Variants in TNFSF4 observed in about 807,000 individuals in gnomAD.
The protein encoded by TNFSF4 is tumor necrosis factor ligand superfamily member 4.
TNFSF4 carries 4 observed loss-of-function variants against 7.3 expected under a neutral mutation model. That is an observed-to-expected ratio of 0.55 (90% CI 0.27 to 1.25). The LOEUF (loss-of-function observed/expected upper bound fraction) is 1.25. Ranked by LOEUF, TNFSF4 falls within the 50% of genes most tolerant of loss-of-function variation. TNFSF4 has a pLI of 0.12. For missense variants in TNFSF4, 181 were observed against 208.8 expected (o/e 0.87, Z 0.82); for synonymous variants, 76 against 83.7 (o/e 0.91, Z 0.50).
the TNFSF4 span, among the ~76,000 whole-genome samples, chr1:173,431,081 T>C: frequency 6.6e-6 from 1 of 152,254 alleles, no homozygotes; most frequent in Admixed American, 6.5e-5. Context: ...GTTTTCCTCA[T>C]TGCCATCCTT....
chr1:173,274,565 T>A, the TNFSF4 span, among the ~76,000 whole-genome samples: 2 of 152,100 alleles, frequency 1.3e-5, no homozygotes, highest in African/African-American at 2.4e-5. Flanking sequence ...AAACTGTGGA[T>A]GTGATAGATT....
At chr1:173,352,611 A>C in the TNFSF4 span, among the ~76,000 whole-genome samples, 3 of 152,218 alleles carry the variant, frequency 2.0e-5, no homozygotes, top group African/African-American at 7.2e-5. Context: ...ATAAAAGATC[A>C]CAAGGCAGAA....
the TNFSF4 span, among the ~76,000 whole-genome samples, chr1:173,321,298 C>T: frequency 6.6e-6 from 1 of 152,138 alleles, no homozygotes; most frequent in Admixed American, 6.6e-5. Context: ...AAACTAGACC[C>T]CTTCTTTATA....
In TNFSF4 at chr1:173,186,743, A is replaced by G; in HGVS notation, c.325T>C (p.Phe109Leu). 1 of 1,614,190 alleles carries G rather than the reference A, an allele frequency of 6.2e-7. No individual in the cohort carries two copies. The highest frequency in any genetic ancestry group is 8.5e-7 in the Non-Finnish European group (1 of 1,180,020). The part of the protein sequence containing the change: ...GFYLISLKGY[F>L]SQEVNISLHY... ...AGGCTAATGTTGACTTCCTGGGAGAAGTAGCCCTTCAGGGAGATGAGATAA... is the reference window on the plus strand; with the variant it reads ...AGGCTAATGTTGACTTCCTGGGAGAGGTAGCCCTTCAGGGAGATGAGATAA... Residue 109 changes from phenylalanine (F) to leucine (L), a missense_variant, in exon 3 of 3, where the codon TTC becomes CTC. Phe to Leu is a conservative substitution (Grantham distance 22). Coordinates refer to ENST00000281834, the MANE Select transcript of TNFSF4 (RefSeq NM_003326.5).
At chr1:173,213,322 T>C in the TNFSF4 span, among the ~76,000 whole-genome samples, 2 of 152,158 alleles carry the variant, frequency 1.3e-5, no homozygotes, top group Admixed American at 1.3e-4. Flanking sequence ...TCTTGACCAC[T>C]GGCAGTTATT....
At chr1:173,227,451 G>C in the TNFSF4 span, among the ~76,000 whole-genome samples, 3 of 152,118 alleles carry the variant, frequency 2.0e-5, no homozygotes, top group African/African-American at 7.2e-5. Flanking sequence ...GCGGTTCCAA[G>C]TTGGCCAAAT....
the TNFSF4 span, among the ~76,000 whole-genome samples, chr1:173,342,260 G>A: frequency 7.5e-4 from 114 of 152,176 alleles, 2 homozygotes; most frequent in East Asian, 0.021. Context: ...ATCTGCCTCT[G>A]GAAGGCCCAG....
At chr1:173,427,951 ATCT>A in the TNFSF4 span, among the ~76,000 whole-genome samples, 1 of 104,284 alleles carries the variant, frequency 9.6e-6, no homozygotes, top group Non-Finnish European at 1.9e-5. Context: ...CTCCATTATA[ATCT>A]TTTTTTTTTT....
chr1:173,382,367 C>CTT, the TNFSF4 span, among the ~76,000 whole-genome samples: 1 of 152,274 alleles, frequency 6.6e-6, no homozygotes, highest in South Asian at 2.1e-4. Flanking sequence ...TTTAGGAACT[C>CTT]TAACACTCAC....
At chr1:173,276,960 C>T in the TNFSF4 span, among the ~76,000 whole-genome samples, 1 of 152,104 alleles carries the variant, frequency 6.6e-6, no homozygotes, top group South Asian at 2.1e-4. Flanking sequence ...TCCCTTCATA[C>T]AAGTACACAA....
chr1:173,311,290 T>C, the TNFSF4 span, among the ~76,000 whole-genome samples: 5 of 152,150 alleles, frequency 3.3e-5, no homozygotes, highest in East Asian at 9.7e-4. Context: ...CCATTTGAAT[T>C]GGCAAAGTTT....
chr1:173,322,972 C>T, the TNFSF4 span, among the ~76,000 whole-genome samples: 1 of 152,198 alleles, frequency 6.6e-6, no homozygotes, highest in African/African-American at 2.4e-5. Context: ...AGTGCACAGC[C>T]AAACAACAGG....
chr1:173,369,887 C>T, the TNFSF4 span, among the ~76,000 whole-genome samples: 1 of 152,028 alleles, frequency 6.6e-6, no homozygotes, highest in Non-Finnish European at 1.5e-5. Context: ...TTGCAATTTA[C>T]ATCCCACAGG....
At chr1:173,255,576 CAG>C in the TNFSF4 span, among the ~76,000 whole-genome samples, 1 of 152,094 alleles carries the variant, frequency 6.6e-6, no homozygotes, top group Admixed American at 6.5e-5. Flanking sequence ...TCTTAGCAAA[CAG>C]AGTGGAAAAG....
chr1:173,190,693 C>T (rs1571187841), intron 1 of TNFSF4, among the ~76,000 whole-genome samples: 1 of 152,198 alleles, frequency 6.6e-6, no homozygotes, highest in South Asian at 2.1e-4. Flanking sequence ...ACCCAATGAC[C>T]ATAGTTTCCT....
the TNFSF4 span, among the ~76,000 whole-genome samples, chr1:173,329,412 A>G: frequency 6.6e-6 from 1 of 152,216 alleles, no homozygotes; most frequent in Non-Finnish European, 1.5e-5. Flanking sequence ...TTCAGTGCAG[A>G]TGCAATTTTT....
At chr1:173,435,449 T>C in the TNFSF4 span, among the ~76,000 whole-genome samples, 2 of 152,144 alleles carry the variant, frequency 1.3e-5, no homozygotes, top group Non-Finnish European at 2.9e-5. Context: ...CCCAATGAAA[T>C]AGGATTAGTG....
chr1:173,198,311 A>C (rs896677308), intron 1 of TNFSF4, among the ~76,000 whole-genome samples: 17 of 152,380 alleles, frequency 1.1e-4, no homozygotes, highest in Non-Finnish European at 1.3e-4. Context: ...TTATTGGAAT[A>C]AAGTGTCTAA....
At chr1:173,318,458 T>C in the TNFSF4 span, among the ~76,000 whole-genome samples, 5 of 152,264 alleles carry the variant, frequency 3.3e-5, no homozygotes, top group Non-Finnish European at 7.4e-5. Flanking sequence ...AGTTCACTAA[T>C]GGAGCAAAGC....
Sources: gnomAD v4.1 joint callset for allele counts (sites outside exome capture counted in the v4.1 genomes callset) on GRCh38, gnomAD v4.1.1 for gene constraint, MANE v1.5 for transcripts, NCBI Gene and HGNC (gene_info 2026-07-23, HGNC 2026-07-21) for gene names.